The following QTMAN variants were observed in gnomAD, a reference collection of about 807,000 sequenced individuals.
The protein encoded by QTMAN is queuosine-tRNA mannosyltransferase, also known as tRNA-queuosine alpha-mannosyltransferase.
At chr2:144,024,126 C>T in the QTMAN span, among the ~76,000 whole-genome samples, 3 of 152,214 alleles carry the variant, frequency 2.0e-5, no homozygotes, top group Admixed American at 6.5e-5. Flanking sequence ...AAAACCAATC[C>T]ATGTGTAGAT....
the QTMAN span, among the ~76,000 whole-genome samples, chr2:144,186,960 G>T: frequency 6.6e-6 from 1 of 152,118 alleles, no homozygotes; most frequent in African/African-American, 2.4e-5. Flanking sequence ...AGCCATAACT[G>T]TGTTAATATT....
At chr2:144,049,507 A>C in the QTMAN span, among the ~76,000 whole-genome samples, 2 of 152,224 alleles carry the variant, frequency 1.3e-5, no homozygotes, top group Admixed American at 1.3e-4. Flanking sequence ...ATAATTGGTA[A>C]AAATAAGGAA....
the QTMAN span, among the ~76,000 whole-genome samples, chr2:144,133,413 ATATATAAT>A: frequency 1.8e-5 from 1 of 55,446 alleles, no homozygotes; most frequent in East Asian, 9.2e-4. Context: ...ATAATATATT[ATATATAAT>A]ATATATAATA....
chr2:144,315,976 T>C, the QTMAN span, among the ~76,000 whole-genome samples: 1 of 152,102 alleles, frequency 6.6e-6, no homozygotes, highest in East Asian at 1.9e-4. Context: ...GCTCTATATC[T>C]CAAAAAACAT....
the QTMAN span, among the ~76,000 whole-genome samples, chr2:143,985,295 T>C: frequency 6.6e-6 from 1 of 152,222 alleles, no homozygotes; most frequent in African/African-American, 2.4e-5. Context: ...CCAGCCCTGT[T>C]GCAAGTCCCA....
At chr2:144,312,531 A>G in the QTMAN span, among the ~76,000 whole-genome samples, 1 of 151,720 alleles carries the variant, frequency 6.6e-6, no homozygotes. Flanking sequence ...CTGCTCTCTC[A>G]CTCAACATGC....
At chr2:144,147,551 C>G in the QTMAN span, among the ~76,000 whole-genome samples, 5 of 151,570 alleles carry the variant, frequency 3.3e-5, no homozygotes, top group Admixed American at 2.6e-4. Flanking sequence ...CTAGTTATTG[C>G]GTAATCCTCC....
chr2:144,198,594 C>A, the QTMAN span, among the ~76,000 whole-genome samples: 2 of 152,194 alleles, frequency 1.3e-5, no homozygotes, highest in African/African-American at 4.8e-5. Flanking sequence ...CAAATGACAT[C>A]TCGGGATCCA....
the QTMAN span, among the ~76,000 whole-genome samples, chr2:144,332,153 G>T: frequency 7.1e-6 from 1 of 140,184 alleles, no homozygotes; most frequent in South Asian, 2.3e-4. Context: ...AACACGACCA[G>T]TTTGCAGAAG....
At chr2:143,997,018 C>T in the QTMAN span, among the ~76,000 whole-genome samples, 1 of 151,984 alleles carries the variant, frequency 6.6e-6, no homozygotes, top group Non-Finnish European at 1.5e-5. Context: ...GGTAAGAGCA[C>T]CTTTTTGCTT....
the QTMAN span, among the ~76,000 whole-genome samples, chr2:144,137,875 C>T: frequency 6.6e-6 from 1 of 152,062 alleles, no homozygotes; most frequent in Non-Finnish European, 1.5e-5. Context: ...TTTTAATGGT[C>T]AAATTCAAGG....
At chr2:143,959,812 CA>C in the QTMAN span, among the ~76,000 whole-genome samples, 3 of 151,936 alleles carry the variant, frequency 2.0e-5, no homozygotes, top group African/African-American at 4.8e-5. Flanking sequence ...TATATATTCA[CA>C]AATCAGTAAT....
At chr2:144,007,124 A>C in the QTMAN span, 1 of 976,946 alleles carries the variant, frequency 1.0e-6, no homozygotes. Flanking sequence ...CAATCAACAG[A>C]ATATATTTTC....
the QTMAN span, among the ~76,000 whole-genome samples, chr2:144,008,660 A>C: frequency 1.3e-5 from 2 of 151,926 alleles, no homozygotes; most frequent in African/African-American, 4.8e-5. Context: ...TAGGTGAAAA[A>C]GAAAAACCAT....
the QTMAN span, among the ~76,000 whole-genome samples, chr2:143,953,185 TTAA>T: frequency 4.0e-5 from 6 of 151,862 alleles, no homozygotes; most frequent in Admixed American, 6.6e-5. Flanking sequence ...ACAGCTTTTC[TTAA>T]TAATGCTGCA....
the QTMAN span, among the ~76,000 whole-genome samples, chr2:144,058,211 G>A: frequency 6.9e-6 from 1 of 145,798 alleles, no homozygotes; most frequent in South Asian, 2.1e-4. Flanking sequence ...TTCTCTTTGG[G>A]ATTTTCCTCT....
At chr2:144,010,983 T>G in the QTMAN span, among the ~76,000 whole-genome samples, 3,330 of 152,220 alleles carry the variant, frequency 0.022, 45 homozygotes, top group Middle Eastern at 0.037. Flanking sequence ...TAGGAAACCT[T>G]AATAATAGAA....
chr2:143,952,650 C>T, the QTMAN span: 1 of 745,330 alleles, frequency 1.3e-6, no homozygotes, highest in East Asian at 2.5e-5. Flanking sequence ...TTTTCCTTAA[C>T]ACTAACATGT....
chr2:144,154,490 G>A, the QTMAN span, among the ~76,000 whole-genome samples: 1 of 152,202 alleles, frequency 6.6e-6, no homozygotes, highest in African/African-American at 2.4e-5. Flanking sequence ...AAAAATCCTG[G>A]TTTGGAGGAG....
Sources: allele counts gnomAD v4.1 joint callset (sites outside exome capture counted in the v4.1 genomes callset), GRCh38; gene constraint gnomAD v4.1.1; transcripts MANE v1.5; gene names NCBI Gene and HGNC (gene_info 2026-07-23, HGNC 2026-07-21).